GGCT: variants seen among roughly 807,000 people sequenced by gnomAD.
GGCT encodes the protein gamma-glutamylcyclotransferase, also known as cytochrome c-releasing factor 21.
GGCT carries 20 observed loss-of-function variants against 22.1 expected under a neutral mutation model. The observed-to-expected ratio is 0.91, with a 90% CI of 0.64 to 1.32. The LOEUF (loss-of-function observed/expected upper bound fraction) is 1.32, where lower values mean the gene tolerates loss of function less well. GGCT is among the 40% of genes most tolerant of loss of function. GGCT has a pLI of 0.00. For missense variants in GGCT, 209 were observed against 223.5 expected, an observed-to-expected ratio of 0.94 and a Z score of 0.41; for synonymous variants, 72 against 78.4, an observed-to-expected ratio of 0.92 and a Z score of 0.43.
intron 3 of GGCT, chr7:30,497,556 CA>C: frequency 3.6e-5 from 14 of 393,484 alleles, no homozygotes; most frequent in Non-Finnish European, 4.0e-5. Context: ...TACCATTCTT[CA>C]AAAAAAATTT....
chr7:30,499,762 A>C (rs1279349141), intron 2 of GGCT, among the ~76,000 whole-genome samples: 1 of 151,780 alleles, frequency 6.6e-6, no homozygotes, highest in African/African-American at 2.4e-5. Flanking sequence ...AAGGCCTGAG[A>C]CATAATATTA....
intron 1 of GGCT, among the ~76,000 whole-genome samples, chr7:30,502,498 G>A (rs866950804): frequency 2.6e-5 from 4 of 152,224 alleles, no homozygotes; most frequent in Non-Finnish European, 4.4e-5. Flanking sequence ...TTAGAACAGG[G>A]CCTAGCACAC....
rs749017558 is a variant in GGCT at position 30,499,074 on chromosome 7, GTATTT to G, written c.288-141_288-137del. 156 of 821,642 alleles carry G rather than the reference GTATTT, an allele frequency of 1.9e-4. 1 individual carries two copies. The highest frequency in any genetic ancestry group is 7.1e-4 in the South Asian group (52 of 73,558). The allele number at this position is 821,642 out of a possible 1,614,324, so 50.9% of individuals were successfully genotyped here. On this transcript the variant is annotated intron_variant, in intron 2 of 3. Transcript: ENST00000275428. Reference sequence around the variant, plus strand: ...ACATCTGAACATACTTGCTCCCTATGTATTTGGGATAGAGAATATATAAATTTACC... The same window carrying G: ...ACATCTGAACATACTTGCTCCCTATGGGGATAGAGAATATATAAATTTACC...
intron 3 of GGCT, among the ~76,000 whole-genome samples, chr7:30,498,591 G>C (rs1789616032): frequency 6.6e-6 from 1 of 152,004 alleles, no homozygotes; most frequent in African/African-American, 2.4e-5. Flanking sequence ...TCCTAGTTTT[G>C]TATTTTTAGT....
chr7:30,504,786 A>C lies in GGCT; in HGVS notation c.-77T>G. ...AGAGAGCGCAACACTGGGGCCCACT[A>C]CCCCGGCGCAGTGACCGCCGCGCGG... On this transcript the variant is annotated 5_prime_UTR_variant, in exon 1 of 4. Coordinates refer to ENST00000275428, the MANE Select transcript of GGCT (RefSeq NM_024051.4). 6.9e-7 allele frequency: 1 copy of C among 1,450,016 alleles called. No individual in the cohort carries two copies. The allele number at this position is 1,450,016 out of a possible 1,614,324, so 89.8% of individuals were successfully genotyped here. A position where few individuals can be genotyped will look rare whatever the true frequency, so the allele number is the denominator to read the frequency against.
intron 3 of GGCT, chr7:30,497,932 G>T: frequency 2.4e-6 from 3 of 1,238,468 alleles, no homozygotes; most frequent in Non-Finnish European, 3.2e-6. Flanking sequence ...TAGAAAGTAT[G>T]TTTTTTTCCC....
In GGCT at chr7:30,500,663, C is replaced by G; in HGVS notation, c.160G>C (p.Gly54Arg). ...TGACTTGTTTTGCCTTGGGAATTGC[C>G]AAAGTCAAGCTTAAAATCCTACAAA... ...ARLQDFKLDF[G>R]NSQGKTSQTW... Residue 54 changes from glycine (G) to arginine (R), a missense_variant, in exon 2 of 4, where the codon GGC becomes CGC. By Grantham distance (125) the Gly-to-Arg change is moderately radical (BLOSUM62 -2). Transcript: ENST00000275428. 6.2e-7 allele frequency: 1 copy of G among 1,613,522 alleles called. No individual in the cohort carries two copies. Among genetic ancestry groups the G allele is most frequent in the Non-Finnish European group, 8.5e-7 (1 of 1,179,698 alleles).
chr7:30,504,160 G>A (rs1789769366), intron 1 of GGCT, among the ~76,000 whole-genome samples: 1 of 152,234 alleles, frequency 6.6e-6, no homozygotes, highest in Admixed American at 6.5e-5. Context: ...CGAAAGGCAG[G>A]TAAACGGATT....
intron 3 of GGCT, chr7:30,497,746 A>G (rs1317809857): frequency 2.1e-6 from 3 of 1,401,802 alleles, no homozygotes. Flanking sequence ...ATTACCTATT[A>G]CAGGTGCCAT....
rs961367330 is a variant in GGCT at position 30,496,921 on chromosome 7, A to G, written c.*171T>C. On this transcript the variant is annotated 3_prime_UTR_variant, in exon 4 of 4. Coordinates refer to ENST00000275428, the MANE Select transcript of GGCT (RefSeq NM_024051.4). ...ACCCCTTTTAAATTGTCTAACTCCTATCCCAGTTTCTTTTTATAGTCTAAA... is the reference window on the plus strand; with the variant it reads ...ACCCCTTTTAAATTGTCTAACTCCTGTCCCAGTTTCTTTTTATAGTCTAAA... 7 of 457,728 alleles carry G rather than the reference A, an allele frequency of 1.5e-5. No individual in the cohort carries two copies. Among genetic ancestry groups the G allele is most frequent in the African/African-American group, 1.2e-4 (6 of 49,144 alleles). The allele number at this position is 457,728 out of a possible 1,614,324, so 28.4% of individuals were successfully genotyped here.
intron 3 of GGCT, chr7:30,497,500 A>G (rs1317693048): frequency 2.7e-6 from 1 of 375,538 alleles, no homozygotes; most frequent in East Asian, 4.0e-5. Flanking sequence ...TAATATTAAG[A>G]CAAACATATC....
intron 3 of GGCT, chr7:30,497,896 C>G: frequency 3.6e-6 from 5 of 1,398,862 alleles, no homozygotes; most frequent in Non-Finnish European, 4.7e-6. Context: ...TCTTTCTCCA[C>G]CTAGGGATGA....
intron 2 of GGCT, among the ~76,000 whole-genome samples, chr7:30,500,295 A>C (rs1264770103): frequency 1.3e-5 from 2 of 152,242 alleles, no homozygotes; most frequent in African/African-American, 4.8e-5. Flanking sequence ...AATGAAAAAT[A>C]AGGGCTTCCA....
At chr7:30,499,181 G>A (rs1284054116) in intron 2 of GGCT, 1 of 468,784 alleles carries the variant, frequency 2.1e-6, no homozygotes, top group African/African-American at 2.0e-5. Flanking sequence ...GGAGGCTGAG[G>A]TGGATCACTT....
intron 3 of GGCT, chr7:30,497,784 C>G: frequency 6.8e-7 from 1 of 1,461,360 alleles, no homozygotes; most frequent in Non-Finnish European, 9.2e-7. Context: ...CAACAGAGAG[C>G]TAAGCTTAGG....
chr7:30,497,144 A>C lies in GGCT; in HGVS notation c.515T>G (p.Val172Gly). 1 of 1,608,376 alleles carries C rather than the reference A, an allele frequency of 6.2e-7. No homozygotes were observed. Among genetic ancestry groups the C allele is most frequent in the South Asian group, 1.1e-5 (1 of 90,796 alleles). The change falls in exon 4 of 4, where the codon GTC (valine) becomes GGC (glycine). Residue 172 changes from valine to glycine, a missense_variant. Physicochemically the swap from Val to Gly is moderately radical, Grantham distance 109. Transcript: ENST00000275428. Reference sequence around the variant, plus strand: ...GATGATGTCTTCAATTTCTTCTGAGACCTTTCCTGTATAGTCATTTGGTTC... The same window carrying C: ...GATGATGTCTTCAATTTCTTCTGAGCCCTTTCCTGTATAGTCATTTGGTTC... The part of the protein sequence containing the change: ...AIEPNDYTGK[V>G]SEEIEDIIKK...
intron 1 of GGCT, among the ~76,000 whole-genome samples, chr7:30,501,740 T>C (rs1486553827): frequency 6.6e-6 from 1 of 152,232 alleles, no homozygotes; most frequent in African/African-American, 2.4e-5. Flanking sequence ...TAGATAAATT[T>C]AAAAAGTTGA....
chr7:30,501,904 G>A (rs1457369722), intron 1 of GGCT, among the ~76,000 whole-genome samples: 2 of 152,216 alleles, frequency 1.3e-5, no homozygotes, highest in African/African-American at 4.8e-5. Flanking sequence ...AGGACCACAT[G>A]TCCCTGGCAG....
Position 30,498,925 on chromosome 7 carries a change from T to C in GGCT, c.301A>G (p.Lys101Glu), listed in dbSNP as rs1392730602. ...LNSLDEQEGV[K>E]SGMYVVIEVK... is the part of the protein sequence containing the mutation. ...TCTATTACAACATACATTCCACTTT[T>C]AACCCCTTCTTGCCTGAAACCAGAA... Residue 101 changes from lysine to glutamate, a missense_variant, in exon 3 of 4, where the codon AAA becomes GAA. By Grantham distance (56) the Lys-to-Glu change is moderately conservative. Coordinates refer to ENST00000275428, the MANE Select transcript of GGCT (RefSeq NM_024051.4). The C allele has an allele frequency of 1.2e-6, 2 of 1,614,048 alleles. No homozygotes were observed. The highest frequency in any genetic ancestry group is 1.1e-5 in the South Asian group (1 of 91,080).
Sources: gnomAD v4.1 joint callset for allele counts (sites outside exome capture counted in the v4.1 genomes callset) on GRCh38, gnomAD v4.1.1 for gene constraint, MANE v1.5 for transcripts, NCBI Gene and HGNC (gene_info 2026-07-23, HGNC 2026-07-21) for gene names.